NRXN3: variants seen among roughly 807,000 people sequenced by gnomAD.
NRXN3 encodes the protein neurexin 3.
A neutral mutation model predicts 137.6 loss-of-function variants in NRXN3; 32 were observed. The observed-to-expected ratio is 0.23, with a 90% confidence interval of 0.18 to 0.31. The LOEUF (loss-of-function observed/expected upper bound fraction) is 0.31, where lower values mean the gene tolerates loss of function less well. NRXN3 is among the 10% of genes least tolerant of loss of function. The probability of loss-of-function intolerance (pLI) is 1.00; values close to 1 mark genes in which losing one functional copy is unlikely to be tolerated. For synonymous variants in NRXN3, 798 were observed against 784.5 expected (o/e 1.02, Z -0.29); for missense variants, 1,574 against 2,062.5 (o/e 0.76, Z 4.59).
chr14:78,721,552 G>C (rs1429998167), intron 8 of NRXN3, among the ~76,000 whole-genome samples: 2 of 152,148 alleles, frequency 1.3e-5, no homozygotes, highest in Admixed American at 6.5e-5. Context: ...CCGCAGAACT[G>C]TCTGGATTAG....
chr14:78,795,296 C>T (rs1014023987), intron 8 of NRXN3, among the ~76,000 whole-genome samples: 1 of 152,088 alleles, frequency 6.6e-6, no homozygotes, highest in Non-Finnish European at 1.5e-5. Context: ...TTTCTTTCTC[C>T]CTGGATTGCT....
At chr14:79,300,542 A>C (rs1327643492) in intron 15 of NRXN3, among the ~76,000 whole-genome samples, 1 of 152,032 alleles carries the variant, frequency 6.6e-6, no homozygotes, top group Non-Finnish European at 1.5e-5. Flanking sequence ...TATTAGGCTG[A>C]GGAGCCTCAC....
At chr14:79,675,917 C>CTT (rs2098638340) in intron 17 of NRXN3, among the ~76,000 whole-genome samples, 1 of 152,088 alleles carries the variant, frequency 6.6e-6, no homozygotes, top group South Asian at 2.1e-4. Context: ...ATAGTGCTTA[C>CTT]TTTTCTTTTA....
At chr14:79,482,275 T>G (rs1458868169) in intron 16 of NRXN3, among the ~76,000 whole-genome samples, 2 of 152,164 alleles carry the variant, frequency 1.3e-5, no homozygotes, top group Non-Finnish European at 2.9e-5. Flanking sequence ...AGTTTGGAGG[T>G]TAGGGCAAGA....
chr14:78,518,429 C>G (rs1189425463), intron 4 of NRXN3, among the ~76,000 whole-genome samples: 4 of 152,004 alleles, frequency 2.6e-5, no homozygotes, highest in Non-Finnish European at 5.9e-5. Context: ...TAGAGGTGAT[C>G]AGAAAGTGTG....
chr14:79,753,382 A>G (rs555390557), intron 19 of NRXN3, among the ~76,000 whole-genome samples: 1 of 152,160 alleles, frequency 6.6e-6, no homozygotes, highest in South Asian at 2.1e-4. Flanking sequence ...ATGGAATACT[A>G]TGCAGCCATA....
At chr14:78,249,917 A>G (rs979734712) in intron 2 of NRXN3, among the ~76,000 whole-genome samples, 1 of 152,054 alleles carries the variant, frequency 6.6e-6, no homozygotes, top group Non-Finnish European at 1.5e-5. Flanking sequence ...GTCTACTTAC[A>G]TGTTGTATGG....
At chr14:79,077,180 A>T (rs2152739852) in intron 15 of NRXN3, among the ~76,000 whole-genome samples, 1 of 152,338 alleles carries the variant, frequency 6.6e-6, no homozygotes, top group East Asian at 1.9e-4. Context: ...TTTATTCTTT[A>T]GGTCAGGAAT....
rs777936370 is a variant in NRXN3 at position 79,396,344 on chromosome 14, C to CAT, written c.3263-70865_3263-70864dup. ...ATATTTTACTAATAAGAGATATATT[C>CAT]ATATATATATATACAAATATATGCT... On this transcript the variant is annotated intron_variant, in intron 15 of 20. Coordinates refer to ENST00000335750, the MANE Select transcript of NRXN3 (RefSeq NM_001330195.2). Among the ~76,000 whole-genome samples, 1,490 of 151,234 alleles carry CAT rather than the reference C, an allele frequency of 9.9e-3. 23 individuals carry two copies. The highest frequency in any genetic ancestry group is 0.051 in the East Asian group (261 of 5,144).
chr14:79,449,152 C>T (rs1381002507), intron 15 of NRXN3, among the ~76,000 whole-genome samples: 4 of 152,132 alleles, frequency 2.6e-5, no homozygotes, highest in Admixed American at 2.0e-4. Flanking sequence ...TCATCATGTC[C>T]GCCTCCTGCA....
chr14:78,928,340 T>TGCACAA (rs1175081453), intron 10 of NRXN3, among the ~76,000 whole-genome samples: 1 of 152,158 alleles, frequency 6.6e-6, no homozygotes, highest in Non-Finnish European at 1.5e-5. Flanking sequence ...AGGGTACATG[T>TGCACAA]GCACAATGTG....
intron 15 of NRXN3, among the ~76,000 whole-genome samples, chr14:79,064,619 T>TTATA (rs35498858): frequency 6.7e-6 from 1 of 149,288 alleles, no homozygotes; most frequent in Admixed American, 6.7e-5. Flanking sequence ...ATAAAACAAG[T>TTATA]TATATATGTA....
intron 19 of NRXN3, among the ~76,000 whole-genome samples, chr14:79,748,513 A>G (rs182540891): frequency 3.3e-5 from 5 of 152,142 alleles, no homozygotes; most frequent in African/African-American, 1.2e-4. Flanking sequence ...TTCCCCTAAT[A>G]CACAGTATAT....
chr14:79,865,364 T>C lies in NRXN3; in HGVS notation c.*3400T>C, dbSNP rs1463746798. 3 of 152,182 alleles carry C rather than the reference T, an allele frequency of 2.0e-5. No homozygotes were observed. The highest frequency in any genetic ancestry group is 2.9e-5 in the Non-Finnish European group (2 of 68,032). 9.4% of individuals were successfully genotyped at this position (152,182 alleles called of 1,614,324 possible). A position where few individuals can be genotyped will look rare whatever the true frequency, so the allele number is the denominator to read the frequency against. Reference sequence around the variant, plus strand: ...CTCAGCACACACTTACTTGGCCAATTGGATAATCCATCTACCCTTTGTTCT... The same window carrying C: ...CTCAGCACACACTTACTTGGCCAATCGGATAATCCATCTACCCTTTGTTCT... On this transcript the variant is annotated 3_prime_UTR_variant, in exon 21 of 21. Coordinates refer to ENST00000335750, the MANE Select transcript of NRXN3 (RefSeq NM_001330195.2).
intron 15 of NRXN3, among the ~76,000 whole-genome samples, chr14:79,147,537 A>G (rs1439281415): frequency 6.6e-6 from 1 of 152,082 alleles, no homozygotes. Flanking sequence ...TGAGGAACCT[A>G]GTTTCTTGTG....
chr14:79,448,480 G>A (rs537414198), intron 15 of NRXN3, among the ~76,000 whole-genome samples: 4 of 152,272 alleles, frequency 2.6e-5, no homozygotes, highest in Admixed American at 2.6e-4. Context: ...TGTCTTTTCA[G>A]TACCCAGAAA....
intron 15 of NRXN3, among the ~76,000 whole-genome samples, chr14:79,265,231 CTTTTTTT>C (rs936690790): frequency 1.1e-4 from 10 of 91,888 alleles, no homozygotes; most frequent in African/African-American, 2.0e-4. Flanking sequence ...GGGGGTTGCT[CTTTTTTT>C]TTTTTTTTTT....
chr14:78,750,533 C>T (rs2098636145), intron 8 of NRXN3, among the ~76,000 whole-genome samples: 1 of 152,022 alleles, frequency 6.6e-6, no homozygotes, highest in Non-Finnish European at 1.5e-5. Context: ...TACAATAAGG[C>T]AATTGAGGAA....
At chr14:79,546,676 T>A (rs1028410507) in intron 16 of NRXN3, among the ~76,000 whole-genome samples, 3 of 152,176 alleles carry the variant, frequency 2.0e-5, no homozygotes, top group African/African-American at 7.2e-5. Context: ...AATATGAGTC[T>A]CCCAACTGCT....
Sources: gnomAD v4.1 joint callset for allele counts (sites outside exome capture counted in the v4.1 genomes callset) on GRCh38, gnomAD v4.1.1 for gene constraint, MANE v1.5 for transcripts, NCBI Gene and HGNC (gene_info 2026-07-23, HGNC 2026-07-21) for gene names.